The following ADGRG1 variants were observed in gnomAD, a reference collection of about 807,000 sequenced individuals.
The protein encoded by ADGRG1 is adhesion G protein-coupled receptor G1.
A neutral mutation model predicts 73.5 loss-of-function variants in ADGRG1; 53 were observed. The observed-to-expected ratio is 0.72, with a 90% CI of 0.58 to 0.91. ADGRG1 has a LOEUF of 0.91. Ranked by LOEUF, ADGRG1 falls within the 40% of genes least tolerant of loss-of-function variation. The pLI is 0.00. For missense variants in ADGRG1, 795 were observed against 871.8 expected, an observed-to-expected ratio of 0.91 and a Z score of 1.11; for synonymous variants, 394 against 374.4, an observed-to-expected ratio of 1.05 and a Z score of -0.60.
At chr16:57,659,896 ATCAC>A (rs1180206438) in intron 11 of ADGRG1, among the ~76,000 whole-genome samples, 1 of 152,126 alleles carries the variant, frequency 6.6e-6, no homozygotes, top group Non-Finnish European at 1.5e-5. Context: ...AATTCTCCAC[ATCAC>A]TCACTCCATT....
chr16:57,639,509 T>TG (rs2040213313), intron 1 of ADGRG1: 3 of 985,476 alleles, frequency 3.0e-6, no homozygotes, highest in Non-Finnish European at 3.6e-6. Flanking sequence ...GAGCAGTGGC[T>TG]GGGGTGGCCC....
In ADGRG1 at chr16:57,655,593, A is replaced by G. The variant is rs183216311; in HGVS notation, c.900+63A>G. Reference sequence around the variant, plus strand: ...CAGTTTTTTTCTGACAGAGGTGGAAAGAAGGCACGCAGATGAGCTCCTTCC... The same window carrying G: ...CAGTTTTTTTCTGACAGAGGTGGAAGGAAGGCACGCAGATGAGCTCCTTCC... On this transcript the variant is annotated intron_variant, in intron 6 of 13. Transcript: ENST00000562631. The G allele has an allele frequency of 1.5e-4, 242 of 1,610,586 alleles. 1 individual carries two copies. In the East Asian group the frequency reaches 5.0e-3, roughly 33 times the overall value.
chr16:57,630,594 C>G (rs978170343), intron 1 of ADGRG1: 2 of 918,408 alleles, frequency 2.2e-6, no homozygotes. Flanking sequence ...GGCTGTGTCC[C>G]GGCCTGGGCC....
At chr16:57,653,871 C>T in intron 4 of ADGRG1, 115 bp from the exon 5 acceptor site, 1 of 1,593,618 alleles carries the variant, frequency 6.3e-7, no homozygotes, top group Non-Finnish European at 8.5e-7. Flanking sequence ...CTGCCTCTGC[C>T]TCTGCCTCTG....
Position 57,628,915 on chromosome 16 carries a change from A to T in ADGRG1, c.-36+113A>T, listed in dbSNP as rs796979216. The T allele has an allele frequency of 0.013, 10,365 of 794,682 alleles. 631 individuals are homozygous for T. In the East Asian group the frequency reaches 0.18, roughly 14 times the overall value. 49.2% of individuals were successfully genotyped at this position (794,682 alleles called of 1,614,324 possible). A position where few individuals can be genotyped will look rare whatever the true frequency, so the allele number is the denominator to read the frequency against. On this transcript the variant is annotated intron_variant, in intron 1 of 13. Coordinates refer to ENST00000562631, the MANE Select transcript of ADGRG1 (RefSeq NM_201525.4). ...GTGAGTGTGTGAGTGTGAGTGTGTG[A>T]GAGTGAGTGTGAGTGTGAGTGTGAG... is the stretch of plus-strand genomic sequence containing the variant.
chr16:57,654,006 C>G lies in ADGRG1; in HGVS notation c.641C>G (p.Ser214Trp), dbSNP rs114515505. Residue 214 changes from serine (S) to tryptophan (W), a missense_variant, in exon 5 of 14, where the codon TCG (serine) becomes TGG (tryptophan). Ser to Trp is a radical substitution (Grantham distance 177). Coordinates refer to ENST00000562631, the MANE Select transcript of ADGRG1 (RefSeq NM_201525.4). ...GCCAGGCAGTTGCAGAGCCTGGAGT[C>G]GAAACTGACCTCTGTGAGATTCATG... ...PASQQLQSLE[S>W]KLTSVRFMGD... is the part of the protein sequence containing the mutation. The G allele has an allele frequency of 6.0e-5, 97 of 1,613,948 alleles. No homozygotes were observed. Among genetic ancestry groups the G allele is most frequent in the Admixed American group, 4.7e-4 (28 of 60,012 alleles).
chr16:57,650,490 A>G, intron 2 of ADGRG1, 139 bp downstream of exon 2: 2 of 1,496,202 alleles, frequency 1.3e-6, no homozygotes, highest in Non-Finnish European at 1.8e-6. Context: ...GAGAAAAGCA[A>G]AAGACACTCC....
At chr16:57,651,101 G>A in intron 2 of ADGRG1, 99 bp from the exon 3 acceptor site, 10 of 1,602,026 alleles carry the variant, frequency 6.2e-6, no homozygotes, top group Non-Finnish European at 8.5e-6. Context: ...GTGAATCTCA[G>A]GCTCCAGGTT....
At chr16:57,628,901 A>T (rs988059896) in intron 1 of ADGRG1, 99 bp downstream of exon 1, 24 of 876,038 alleles carry the variant, frequency 2.7e-5, no homozygotes, top group Admixed American at 7.9e-5. Flanking sequence ...TGAGTGTGTG[A>T]GTGTGAGTGT....
At position 57,663,808 on chromosome 16, in the gene ADGRG1, A is replaced by G; in HGVS notation, c.*226A>G. ...CTCACTCAGCTCCCACGGGACTCAG[A>G]AGTGCGCCGCCATGCTGCCTAGGGT... On this transcript the variant is annotated 3_prime_UTR_variant, in exon 14 of 14. Transcript: ENST00000562631. 1 of 601,044 alleles carries G rather than the reference A, an allele frequency of 1.7e-6. No homozygotes were observed. Among genetic ancestry groups the G allele is most frequent in the South Asian group, 1.9e-5 (1 of 51,910 alleles). 37.2% of individuals were successfully genotyped at this position (601,044 alleles called of 1,614,324 possible).
At chr16:57,644,470 GCA>G (rs1182944382) in intron 1 of ADGRG1, among the ~76,000 whole-genome samples, 9 of 137,382 alleles carry the variant, frequency 6.6e-5, no homozygotes, top group African/African-American at 1.7e-4. Context: ...TCATGCACGG[GCA>G]CACACACCCA....
At chr16:57,637,013 G>T (rs1347066164) in intron 1 of ADGRG1, among the ~76,000 whole-genome samples, 5 of 152,202 alleles carry the variant, frequency 3.3e-5, no homozygotes, top group Non-Finnish European at 7.3e-5. Flanking sequence ...AAGGGTCCTG[G>T]AAAGGATGTG....
chr16:57,642,885 T>C (rs1454366344), intron 1 of ADGRG1: 1 of 152,344 alleles, frequency 6.6e-6, no homozygotes, highest in Non-Finnish European at 1.5e-5. Context: ...CTGATAGCAT[T>C]TGCTTCACCA....
Position 57,656,524 on chromosome 16 carries a change from G to A in ADGRG1, c.1074G>A (p.Pro358=), listed in dbSNP as rs773008719. The change falls in exon 9 of 14, where the codon CCG becomes CCA. Residue 358 remains proline, a synonymous_variant. Transcript: ENST00000562631. ...CTGTCCCCTCCTCAGTGAGCAGCCCGGGGCATTGGAGCAGTGCTGGGTGTG... is the reference window on the plus strand; with the variant it reads ...CTGTCCCCTCCTCAGTGAGCAGCCCAGGGCATTGGAGCAGTGCTGGGTGTG... ...FWVEDPTLSS[P]GHWSSAGCET... The A allele has an allele frequency of 1.1e-5, 17 of 1,612,910 alleles. No individual in the cohort carries two copies. Among genetic ancestry groups the A allele is most frequent in the East Asian group, 2.2e-5 (1 of 44,868 alleles).
upstream of ADGRG1, chr16:57,623,072 C>T (rs1313462417): frequency 1.0e-6 from 1 of 984,282 alleles, no homozygotes; most frequent in African/African-American, 1.7e-5. Flanking sequence ...AGCTCTAATC[C>T]TGTGTGACCT....
rs1433622427 is a variant in ADGRG1 at position 57,664,104 on chromosome 16, C to T, written c.*522C>T. 6 of 162,422 alleles carry T rather than the reference C, an allele frequency of 3.7e-5. No individual in the cohort carries two copies. In the South Asian group the frequency reaches 6.4e-4, roughly 17 times the overall value. 10.1% of individuals were successfully genotyped at this position (162,422 alleles called of 1,614,324 possible). ...CAGACCTTCAGGGCCAGAGCCCTGG[C>T]GGAGGAGAGGCCCTTTGCCAGGAGC... On this transcript the variant is annotated 3_prime_UTR_variant, in exon 14 of 14. Coordinates refer to ENST00000562631, the MANE Select transcript of ADGRG1 (RefSeq NM_201525.4).
chr16:57,656,078 T>A, intron 7 of ADGRG1, 86 bp downstream of exon 7: 2 of 1,613,556 alleles, frequency 1.2e-6, no homozygotes, highest in Non-Finnish European at 1.7e-6. Context: ...CATTTGTCTT[T>A]ATAATGAAAC....
intron 1 of ADGRG1, chr16:57,647,036 G>C (rs2042824716): frequency 1.3e-6 from 1 of 773,678 alleles, no homozygotes; most frequent in African/African-American, 2.1e-5. Flanking sequence ...GGTCTGTGCG[G>C]AGACTCATGC....
chr16:57,630,809 G>A (rs78628813), intron 1 of ADGRG1: 11,662 of 346,634 alleles, frequency 0.034, 328 homozygotes, highest in East Asian at 0.2. Flanking sequence ...ACTGATGTCT[G>A]TATGAGCACT....
Sources: allele counts gnomAD v4.1 joint callset (sites outside exome capture counted in the v4.1 genomes callset), GRCh38; gene constraint gnomAD v4.1.1; transcripts MANE v1.5; gene names NCBI Gene and HGNC (gene_info 2026-07-23, HGNC 2026-07-21).